The following XKR4 variants were observed in gnomAD, a reference collection of about 807,000 sequenced individuals.
The protein encoded by XKR4 is XK-related protein 4.
XKR4 carries 12 observed loss-of-function variants against 53.9 expected under a neutral mutation model. The ratio of observed to expected loss-of-function variants is 0.22; its 90% CI spans 0.14 to 0.36. XKR4 has a LOEUF of 0.36. XKR4 is among the 10% of genes least tolerant of loss of function. The probability of loss-of-function intolerance (pLI) is 1.00; values close to 1 mark genes in which losing one functional copy is unlikely to be tolerated. For synonymous variants in XKR4, 354 were observed against 362.4 expected (o/e 0.98, Z 0.26); for missense variants, 799 against 859.5 (o/e 0.93, Z 0.88).
intron 2 of XKR4, among the ~76,000 whole-genome samples, chr8:55,372,172 G>A (rs1804077552): frequency 6.6e-6 from 1 of 152,220 alleles, no homozygotes; most frequent in African/African-American, 2.4e-5. Flanking sequence ...TTGGAACAAA[G>A]AAGCATCAAT....
chr8:55,460,970 C>A (rs1348181956), intron 2 of XKR4, among the ~76,000 whole-genome samples: 1 of 152,216 alleles, frequency 6.6e-6, no homozygotes, highest in African/African-American at 2.4e-5. Context: ...AGTAGGTAAA[C>A]AAAGTGGCCT....
intron 2 of XKR4, among the ~76,000 whole-genome samples, chr8:55,514,916 C>T (rs1378992950): frequency 1.3e-5 from 2 of 151,924 alleles, no homozygotes; most frequent in African/African-American, 2.4e-5. Context: ...TTTCAAATTC[C>T]CACACTTAAA....
intron 2 of XKR4, chr8:55,452,314 C>A (rs1436652572): frequency 1.5e-6 from 1 of 645,332 alleles, no homozygotes; most frequent in East Asian, 3.0e-5. Flanking sequence ...AGCGCGGCCA[C>A]CGGGAAGGAG....
In XKR4 at chr8:55,301,568, C is replaced by G. The variant is rs1238161119; in HGVS notation, c.807-56110C>G. ...TAGTTCAAGATCCCTGAGGAATCGC[C>G]ACACTGACTTCCACAATGGTGGAAC... On this transcript the variant is annotated intron_variant, in intron 1 of 2. Transcript: ENST00000327381. 2.5e-4 allele frequency among the ~76,000 whole-genome samples: 38 copies of G among 152,164 alleles called. 1 individual carries two copies. The highest frequency in any genetic ancestry group is 5.0e-4 in the Non-Finnish European group (34 of 68,038).
chr8:55,327,173 C>T (rs942099758), intron 1 of XKR4, among the ~76,000 whole-genome samples: 5 of 152,152 alleles, frequency 3.3e-5, no homozygotes, highest in Admixed American at 3.3e-4. Flanking sequence ...ACAGGGAAAT[C>T]ATTAGCTTCA....
rs71256534 is a variant in XKR4 at position 55,396,399 on chromosome 8, G to GTTTTTTTTTTTTTTTTT, written c.1006+38525_1006+38541dup. 2.1e-4 allele frequency among the ~76,000 whole-genome samples: 19 copies of GTTTTTTTTTTTTTTTTT among 88,746 alleles called. 2 individuals are homozygous for GTTTTTTTTTTTTTTTTT. Among genetic ancestry groups the GTTTTTTTTTTTTTTTTT allele is most frequent in the East Asian group, 1.4e-3 (4 of 2,946 alleles). 58.2% of individuals were successfully genotyped at this position (88,746 alleles called of 152,430 possible). A position where few individuals can be genotyped will look rare whatever the true frequency, so the allele number is the denominator to read the frequency against. ...TTTTTTTGTGTTTTTTTTTTGTTTG[G>GTTTTTTTTTTTTTTTTT]TTTTTTTTTTTTTTTTTTTGCAGAG... is the stretch of plus-strand genomic sequence containing the variant. On this transcript the variant is annotated intron_variant, in intron 2 of 2. Coordinates refer to ENST00000327381, the MANE Select transcript of XKR4 (RefSeq NM_052898.2).
At chr8:55,407,714 C>T (rs1804708108) in intron 2 of XKR4, among the ~76,000 whole-genome samples, 1 of 152,234 alleles carries the variant, frequency 6.6e-6, no homozygotes, top group African/African-American at 2.4e-5. Context: ...GAGGTGCTCA[C>T]GGAAAAGACC....
chr8:55,285,622 C>A (rs1011022416), intron 1 of XKR4, among the ~76,000 whole-genome samples: 1 of 152,168 alleles, frequency 6.6e-6, no homozygotes. Context: ...AGGAAGAGAA[C>A]TCCTCGAAGA....
intron 1 of XKR4, among the ~76,000 whole-genome samples, chr8:55,294,934 T>C (rs1819081548): frequency 6.6e-6 from 1 of 152,188 alleles, no homozygotes; most frequent in African/African-American, 2.4e-5. Flanking sequence ...AGTGTCCCTT[T>C]GCACATTAAG....
chr8:55,399,808 G>T (rs529032947), intron 2 of XKR4, among the ~76,000 whole-genome samples: 1 of 152,344 alleles, frequency 6.6e-6, no homozygotes, highest in Non-Finnish European at 1.5e-5. Flanking sequence ...GAAGAGAAGA[G>T]GGGAGTGGTC....
At chr8:55,138,075 C>T (rs931014057) in intron 1 of XKR4, among the ~76,000 whole-genome samples, 6 of 152,036 alleles carry the variant, frequency 3.9e-5, no homozygotes, top group Non-Finnish European at 8.8e-5. Flanking sequence ...TTCTTGAAGC[C>T]CGCCATGACT....
intron 1 of XKR4, among the ~76,000 whole-genome samples, chr8:55,192,853 G>A (rs918544033): frequency 4.3e-4 from 66 of 152,250 alleles, no homozygotes; most frequent in African/African-American, 1.4e-3. Context: ...TTATGGGAGC[G>A]TTGTAGGGTG....
At chr8:55,309,723 A>G (rs1758619850) in intron 1 of XKR4, among the ~76,000 whole-genome samples, 1 of 152,346 alleles carries the variant, frequency 6.6e-6, no homozygotes, top group African/African-American at 2.4e-5. Context: ...CACTTCTTGC[A>G]GCTGCATGTG....
At chr8:55,453,580 C>A (rs1202387158) in intron 2 of XKR4, 3 of 391,894 alleles carry the variant, frequency 7.7e-6, no homozygotes, top group South Asian at 2.1e-5. Context: ...TGGTCCTCCT[C>A]CCAGCCTTCA....
intron 1 of XKR4, among the ~76,000 whole-genome samples, chr8:55,311,418 G>A (rs898235634): frequency 2.6e-4 from 39 of 152,134 alleles, no homozygotes; most frequent in African/African-American, 9.4e-4. Flanking sequence ...TGGTGAGAGG[G>A]TCCAGCCAGC....
Position 55,537,212 on chromosome 8 carries a change from G to A in XKR4, c.*12985G>A, listed in dbSNP as rs1258458079. 1 of 152,164 alleles carries A rather than the reference G, an allele frequency of 6.6e-6. No homozygotes were observed. The highest frequency in any genetic ancestry group is 2.4e-5 in the African/African-American group (1 of 41,428). 9.4% of individuals were successfully genotyped at this position (152,164 alleles called of 1,614,324 possible). The stretch of plus-strand genomic sequence containing the variant: ...GGGAATATTTAGTGATATCTTTGTA[G>A]TCATCGTTAAAATTCCTGGGAAAAA... On this transcript the variant is annotated 3_prime_UTR_variant, in exon 3 of 3. Coordinates refer to ENST00000327381, the MANE Select transcript of XKR4 (RefSeq NM_052898.2).
At chr8:55,492,560 G>C (rs372020147) in intron 2 of XKR4, among the ~76,000 whole-genome samples, 1 of 152,320 alleles carries the variant, frequency 6.6e-6, no homozygotes, top group African/African-American at 2.4e-5. Context: ...GACTCACTGA[G>C]TACTCTTTGT....
chr8:55,146,163 A>G (rs1816770957), intron 1 of XKR4, among the ~76,000 whole-genome samples: 1 of 152,172 alleles, frequency 6.6e-6, no homozygotes. Flanking sequence ...TAGTGTTCTA[A>G]GAGGTCTGAA....
chr8:55,482,357 G>T (rs1806123259), intron 2 of XKR4, among the ~76,000 whole-genome samples: 2 of 152,088 alleles, frequency 1.3e-5, no homozygotes, highest in African/African-American at 4.8e-5. Context: ...GAGAACACAT[G>T]GACACAGGAA....
Sources: gnomAD v4.1 joint callset for allele counts (sites outside exome capture counted in the v4.1 genomes callset) on GRCh38, gnomAD v4.1.1 for gene constraint, MANE v1.5 for transcripts, NCBI Gene and HGNC (gene_info 2026-07-23, HGNC 2026-07-21) for gene names.